PCDHGA2: variants seen among roughly 807,000 people sequenced by gnomAD.
PCDHGA2 encodes the protein protocadherin gamma subfamily A, 2.
PCDHGA2 carries 40 observed loss-of-function variants against 59.2 expected under a neutral mutation model. The ratio of observed to expected loss-of-function variants is 0.68; its 90% confidence interval spans 0.52 to 0.88. PCDHGA2 has a LOEUF of 0.88. Ranked by LOEUF, PCDHGA2 falls within the 40% of genes least tolerant of loss-of-function variation. PCDHGA2 has a pLI of 0.00. For synonymous variants in PCDHGA2, 560 were observed against 526.0 expected, an observed-to-expected ratio of 1.06 and a Z score of -0.89; for missense variants, 1,226 against 1,204.0, an observed-to-expected ratio of 1.02 and a Z score of -0.27.
chr5:141,358,975 A>C (rs1242979325), intron 1 of PCDHGA2, among the ~76,000 whole-genome samples: 1 of 152,266 alleles, frequency 6.6e-6, no homozygotes, highest in Non-Finnish European at 1.5e-5. Flanking sequence ...GTGAGAATTC[A>C]AAATTCATGA....
Position 141,340,368 on chromosome 5 carries a change from C to G in PCDHGA2, c.1397C>G (p.Pro466Arg), listed in dbSNP as rs1756937766. The G allele has an allele frequency of 6.2e-7, 1 of 1,614,050 alleles. No individual in the cohort carries two copies. The highest frequency in any genetic ancestry group is 8.5e-7 in the Non-Finnish European group (1 of 1,180,040). Residue 466 changes from proline (P) to arginine (R), a missense_variant, in exon 1 of 4, where the codon CCC (proline) becomes CGC (arginine). Physicochemically the swap from Pro to Arg is moderately radical, Grantham distance 103. Coordinates refer to ENST00000394576, the MANE Select transcript of PCDHGA2 (RefSeq NM_018915.4). The part of the protein sequence containing the change: ...SYSTYIPENN[P>R]RGASVFSVTA... ...TCCACCTACATTCCCGAAAACAACC[C>G]CAGAGGAGCCTCTGTCTTCTCAGTG...
intron 1 of PCDHGA2, among the ~76,000 whole-genome samples, chr5:141,354,818 G>A (rs1468435577): frequency 6.6e-6 from 1 of 152,144 alleles, no homozygotes; most frequent in Non-Finnish European, 1.5e-5. Flanking sequence ...AAAGTTTATT[G>A]TACAGGAAGA....
chr5:141,500,641 TA>T (rs1306300025), intron 2 of PCDHGA2, among the ~76,000 whole-genome samples: 4 of 152,346 alleles, frequency 2.6e-5, no homozygotes, highest in Middle Eastern at 3.4e-3. Flanking sequence ...ACTAGTTTTT[TA>T]AAAATAGCAA....
At chr5:141,459,945 G>T (rs113794146) in intron 1 of PCDHGA2, among the ~76,000 whole-genome samples, 54 of 152,164 alleles carry the variant, frequency 3.5e-4, no homozygotes, top group Middle Eastern at 3.2e-3. Flanking sequence ...GGGCGTGATG[G>T]CAGGTGCCTG....
At position 141,345,595 on chromosome 5, in the gene PCDHGA2, A is replaced by G. The variant is rs1430637880; in HGVS notation, c.2424+4200A>G. 1 of 1,614,034 alleles carries G rather than the reference A, an allele frequency of 6.2e-7. No homozygotes were observed. The highest frequency in any genetic ancestry group is 1.3e-5 in the African/African-American group (1 of 74,890). ...GTCCTATACGCGCTGAGATCCTTCG[A>G]CTACGAGCAATTTAGAGACTTAAAG... On this transcript the variant is annotated intron_variant, in intron 1 of 3. Coordinates refer to ENST00000394576, the MANE Select transcript of PCDHGA2 (RefSeq NM_018915.4).
At chr5:141,437,497 T>A (rs2097889891) in intron 1 of PCDHGA2, among the ~76,000 whole-genome samples, 1 of 152,190 alleles carries the variant, frequency 6.6e-6, no homozygotes, top group Non-Finnish European at 1.5e-5. Flanking sequence ...TAGATCACTT[T>A]TCAATGAATT....
intron 1 of PCDHGA2, among the ~76,000 whole-genome samples, chr5:141,352,985 T>TA (rs913354282): frequency 6.6e-6 from 1 of 152,130 alleles, no homozygotes; most frequent in African/African-American, 2.4e-5. Context: ...GGAAACTGTC[T>TA]AAAAAAACAA....
chr5:141,467,055 CTTT>C (rs1193465269), intron 1 of PCDHGA2, among the ~76,000 whole-genome samples: 5 of 134,460 alleles, frequency 3.7e-5, no homozygotes, highest in Admixed American at 7.5e-5. Context: ...TCAATGTTTT[CTTT>C]TTTTTTTTTT....
chr5:141,417,528 A>G, intron 1 of PCDHGA2: 1 of 277,368 alleles, frequency 3.6e-6, no homozygotes, highest in Non-Finnish European at 6.7e-6. Context: ...GTCAACTCGT[A>G]GTTTAAAAAA....
At chr5:141,443,845 A>C (rs923351698) in intron 1 of PCDHGA2, among the ~76,000 whole-genome samples, 19 of 152,224 alleles carry the variant, frequency 1.2e-4, no homozygotes, top group Admixed American at 5.9e-4. Context: ...GGTAATATGG[A>C]AAGTCTGAAA....
chr5:141,366,890 T>G, intron 1 of PCDHGA2: 1 of 1,249,604 alleles, frequency 8.0e-7, no homozygotes, highest in Non-Finnish European at 1.1e-6. Flanking sequence ...TTTTTTTATA[T>G]AATTCATGCT....
At chr5:141,434,883 C>T (rs1490696834) in intron 1 of PCDHGA2, among the ~76,000 whole-genome samples, 1 of 151,644 alleles carries the variant, frequency 6.6e-6, no homozygotes, top group Non-Finnish European at 1.5e-5. Context: ...ATACCAACAA[C>T]AATCCAGTCC....
Position 141,339,750 on chromosome 5 carries a change from G to T in PCDHGA2, c.779G>T (p.Arg260Leu). ...CCGGAGAATACGCTCGTGGGCACCCGGATACTCACGGTGACCGCCACTGAC... is the reference window on the plus strand; with the variant it reads ...CCGGAGAATACGCTCGTGGGCACCCTGATACTCACGGTGACCGCCACTGAC... ...SIPENTLVGT[R>L]ILTVTATDAD... The change falls in exon 1 of 4, where the codon CGG becomes CTG. Residue 260 changes from arginine (R) to leucine (L), a missense_variant. Arg to Leu is a moderately radical substitution (Grantham distance 102). Transcript: ENST00000394576. 7 of 1,614,072 alleles carry T rather than the reference G, an allele frequency of 4.3e-6. No homozygotes were observed. The highest frequency in any genetic ancestry group is 5.9e-6 in the Non-Finnish European group (7 of 1,180,002).
intron 1 of PCDHGA2, chr5:141,428,460 T>G (rs558111052): frequency 2.8e-6 from 1 of 351,434 alleles, no homozygotes; most frequent in African/African-American, 2.1e-5. Context: ...CCAACTACAA[T>G]GAGGGAACTT....
Position 141,432,292 on chromosome 5 carries a change from T to G in PCDHGA2, c.2425-62515T>G. 6.2e-7 allele frequency: 1 copy of G among 1,614,196 alleles called. No homozygotes were observed. The highest frequency in any genetic ancestry group is 8.5e-7 in the Non-Finnish European group (1 of 1,180,042). On this transcript the variant is annotated intron_variant, in intron 1 of 3. Transcript: ENST00000394576. This position sits in a 1 kb window ranked among gnomAD's most constrained non-coding sequence, Gnocchi z 6.0. Reference sequence around the variant, plus strand: ...CCTACGTGTCCATCAACTCCGACACTGGGGTACTGTATGCGCTGAGCTCCT... The same window carrying G: ...CCTACGTGTCCATCAACTCCGACACGGGGGTACTGTATGCGCTGAGCTCCT...
chr5:141,343,927 C>G (rs1344089200), intron 1 of PCDHGA2: 5 of 1,040,738 alleles, frequency 4.8e-6, no homozygotes, highest in African/African-American at 1.6e-5. Flanking sequence ...AGCTGTTTGA[C>G]CTGTGAATTA....
At chr5:141,434,609 G>A (rs189866750) in intron 1 of PCDHGA2, among the ~76,000 whole-genome samples, 11 of 152,064 alleles carry the variant, frequency 7.2e-5, no homozygotes, top group Non-Finnish European at 1.3e-4. Context: ...CTTTATTTCC[G>A]CCCATCTCTT....
intron 1 of PCDHGA2, chr5:141,418,372 A>G (rs771262387): frequency 3.1e-6 from 5 of 1,613,968 alleles, no homozygotes; most frequent in Non-Finnish European, 3.4e-6. Context: ...GCAAATACCA[A>G]CTAAGTCCTA....
intron 1 of PCDHGA2, chr5:141,419,497 G>T (rs1357823931): frequency 9.9e-6 from 16 of 1,612,390 alleles, no homozygotes; most frequent in Non-Finnish European, 1.4e-5. Context: ...GCGCCAATGT[G>T]AGCCTGCGCG....
Sources: gnomAD v4.1 joint callset for allele counts (sites outside exome capture counted in the v4.1 genomes callset) on GRCh38, gnomAD v4.1.1 for gene constraint, Gnocchi (gnomAD v3.1) non-coding constraint, MANE v1.5 for transcripts, NCBI Gene and HGNC (gene_info 2026-07-23, HGNC 2026-07-21) for gene names.